Variants in PTPN3 observed in about 807,000 individuals in gnomAD.
PTPN3 encodes tyrosine-protein phosphatase non-receptor type 3.
PTPN3 carries 96 observed loss-of-function variants against 132.7 expected under a neutral mutation model. The observed-to-expected ratio is 0.72, with a 90% CI of 0.61 to 0.86. PTPN3 has a LOEUF of 0.86. PTPN3 is among the 40% of genes least tolerant of loss of function. The probability of loss-of-function intolerance (pLI) is 0.00; values close to 1 mark genes in which losing one functional copy is unlikely to be tolerated. For synonymous variants in PTPN3, 398 were observed against 429.0 expected (o/e 0.93, Z 0.89); for missense variants, 1,125 against 1,159.6 (o/e 0.97, Z 0.43).
At position 109,395,127 on chromosome 9, in the gene PTPN3, G is replaced by A. The variant is rs538533515; in HGVS notation, c.1954-3566C>T. Among the ~76,000 whole-genome samples, 34 of 148,556 alleles carry A rather than the reference G, an allele frequency of 2.3e-4. 2 individuals are homozygous for A. In the South Asian group the frequency reaches 5.7e-3, roughly 25 times the overall value. On this transcript the variant is annotated intron_variant, in intron 19 of 25. Transcript: ENST00000374541. Reference sequence around the variant, plus strand: ...TGCACTCCAGGCTGGGCAACAGAGCGAGACTCCATCTCAATTTAAAAAAAA... The same window carrying A: ...TGCACTCCAGGCTGGGCAACAGAGCAAGACTCCATCTCAATTTAAAAAAAA...
chr9:109,466,930 A>C (rs1427492532), intron 1 of PTPN3, among the ~76,000 whole-genome samples: 3 of 152,170 alleles, frequency 2.0e-5, no homozygotes, highest in African/African-American at 7.2e-5. Flanking sequence ...CAGGAAGAGA[A>C]GCACTTGGTC....
At chr9:109,454,612 T>C (rs780405264) in intron 4 of PTPN3, 38 bp from the exon 5 acceptor site, 1 of 1,539,548 alleles carries the variant, frequency 6.5e-7, no homozygotes, top group South Asian at 1.1e-5. Context: ...ATTTTCCCTT[T>C]GACAAAGTCA....
At chr9:109,389,709 C>T (rs376102213) in intron 21 of PTPN3, among the ~76,000 whole-genome samples, 4 of 152,260 alleles carry the variant, frequency 2.6e-5, no homozygotes, top group African/African-American at 7.2e-5. Context: ...CATTTTCAGC[C>T]GTATGTACCA....
In PTPN3 at chr9:109,391,503, A is replaced by G; in HGVS notation, c.2012T>C (p.Leu671Ser). The G allele has an allele frequency of 6.2e-7, 1 of 1,614,028 alleles. No homozygotes were observed. The highest frequency in any genetic ancestry group is 8.5e-7 in the Non-Finnish European group (1 of 1,179,932). ...CACATCTTTATATCGGTTTTTGTCC[A>G]AATTTTGAGGCAGCTTTGCAAACGT... is the stretch of plus-strand genomic sequence containing the variant. The part of the protein sequence containing the change: ...AITFAKLPQN[L>S]DKNRYKDVLP... Residue 671 changes from leucine to serine, a missense_variant, in exon 20 of 26, where the codon TTG becomes TCG. Leu to Ser is a moderately radical substitution (Grantham distance 145). Transcript: ENST00000374541.
At chr9:109,475,296 G>A (rs1441379465) in intron 1 of PTPN3, among the ~76,000 whole-genome samples, 1 of 152,104 alleles carries the variant, frequency 6.6e-6, no homozygotes, top group Non-Finnish European at 1.5e-5. Context: ...GCCTCAATGT[G>A]GTATTGTTCA....
chr9:109,444,985 G>C (rs541072856), intron 7 of PTPN3, among the ~76,000 whole-genome samples: 3 of 152,352 alleles, frequency 2.0e-5, no homozygotes, highest in Non-Finnish European at 2.9e-5. Flanking sequence ...GCTGTCTGAT[G>C]GGCTCCCTTG....
At chr9:109,451,124 G>A in intron 5 of PTPN3, 1 of 966,624 alleles carries the variant, frequency 1.0e-6, no homozygotes, top group Non-Finnish European at 1.2e-6. Flanking sequence ...AGTCGTGGTG[G>A]TATGTGCCTA....
rs760891171 is a variant in PTPN3, at chr9:109,410,250, G to A, written c.1479C>T (p.Ala493=). Residue 493 remains alanine (A), a synonymous_variant, in exon 15 of 26, where the codon GCC becomes GCT. Transcript: ENST00000374541. ...RVTKGGSTED[A]SQYYCDKNDN... Reference sequence around the variant, plus strand: ...TCACCTTGTCACAGTAGTACTGGCTGGCGTCCTCGGTGGAGCCCCCTTTGG... The same window carrying A: ...TCACCTTGTCACAGTAGTACTGGCTAGCGTCCTCGGTGGAGCCCCCTTTGG... 4 of 1,614,050 alleles carry A rather than the reference G, an allele frequency of 2.5e-6. No individual in the cohort carries two copies. The South Asian group carries it at 4.4e-5, about 18-fold the overall frequency.
At chr9:109,485,495 G>A (rs957381968) in intron 1 of PTPN3, among the ~76,000 whole-genome samples, 1 of 152,080 alleles carries the variant, frequency 6.6e-6, no homozygotes, top group Non-Finnish European at 1.5e-5. Context: ...GCAACAGAGA[G>A]AGACTACGTC....
chr9:109,522,653 T>A, the PTPN3 span, among the ~76,000 whole-genome samples: 1 of 152,206 alleles, frequency 6.6e-6, no homozygotes, highest in South Asian at 2.1e-4. Flanking sequence ...CTACAACATG[T>A]AATAACAACT....
intron 5 of PTPN3, chr9:109,449,399 G>A: frequency 3.0e-6 from 3 of 985,730 alleles, no homozygotes; most frequent in Non-Finnish European, 3.6e-6. Context: ...GTGGGTGCAT[G>A]AGCAAAAGCA....
chr9:109,404,663 G>C, intron 18 of PTPN3, 55 bp from the exon 19 acceptor site: 1 of 1,363,870 alleles, frequency 7.3e-7, no homozygotes, highest in Non-Finnish European at 9.6e-7. Flanking sequence ...AGGTTTATCC[G>C]TCTCCCTCAA....
chr9:109,401,174 T>C lies in PTPN3; in HGVS notation c.1953+3274A>G, dbSNP rs138171721. On this transcript the variant is annotated intron_variant, in intron 19 of 25. Transcript: ENST00000374541. Reference sequence around the variant, plus strand: ...TGCTAAAACGCAACCCTAAAATGTATACGTTCTCCTTTTCTTATGCTATCA... The same window carrying C: ...TGCTAAAACGCAACCCTAAAATGTACACGTTCTCCTTTTCTTATGCTATCA... 8.5e-4 allele frequency among the ~76,000 whole-genome samples: 129 copies of C among 152,362 alleles called. 2 individuals carry two copies. In the Middle Eastern group the frequency reaches 0.014, roughly 16 times the overall value.
chr9:109,464,094 C>T (rs190262973), intron 1 of PTPN3, among the ~76,000 whole-genome samples: 1 of 152,332 alleles, frequency 6.6e-6, no homozygotes, highest in East Asian at 1.9e-4. Flanking sequence ...GTACCACACA[C>T]CCACCAGAGA....
the PTPN3 span, among the ~76,000 whole-genome samples, chr9:109,507,847 C>T: frequency 6.6e-6 from 1 of 152,206 alleles, no homozygotes; most frequent in Non-Finnish European, 1.5e-5. Flanking sequence ...ATGAAGTTCT[C>T]CAGCTATCAT....
intron 2 of PTPN3, among the ~76,000 whole-genome samples, chr9:109,460,001 C>G: frequency 6.6e-6 from 1 of 152,064 alleles, no homozygotes; most frequent in East Asian, 1.9e-4. Flanking sequence ...GTATCCCCAG[C>G]CTGGACCCAT....
At chr9:109,402,285 CCTTTTTTTT>C (rs1841197737) in intron 19 of PTPN3, among the ~76,000 whole-genome samples, 1 of 127,824 alleles carries the variant, frequency 7.8e-6, no homozygotes, top group Non-Finnish European at 1.9e-5. Flanking sequence ...CTCTACATTT[CCTTTTTTTT>C]TTATTTTTAT....
the PTPN3 span, among the ~76,000 whole-genome samples, chr9:109,512,315 G>T: frequency 6.6e-6 from 1 of 152,166 alleles, no homozygotes; most frequent in South Asian, 2.1e-4. Context: ...GGTGCAGCTG[G>T]TGCAGCTGGT....
chr9:109,509,661 C>T, the PTPN3 span, among the ~76,000 whole-genome samples: 3 of 152,188 alleles, frequency 2.0e-5, no homozygotes, highest in Admixed American at 2.0e-4. Context: ...TATTATTTTC[C>T]ATTACATTTA....
Sources: allele counts gnomAD v4.1 joint callset (sites outside exome capture counted in the v4.1 genomes callset), GRCh38; gene constraint gnomAD v4.1.1; transcripts MANE v1.5; gene names NCBI Gene and HGNC (gene_info 2026-07-23, HGNC 2026-07-21).